CXCL13: variants seen among roughly 807,000 people sequenced by gnomAD.
CXCL13 encodes the protein C-X-C motif chemokine ligand 13.
A neutral mutation model predicts 12.2 loss-of-function variants in CXCL13; 7 were observed. The ratio of observed to expected loss-of-function variants is 0.57; its 90% CI spans 0.33 to 1.07. CXCL13 has a LOEUF of 1.07. Ranked by LOEUF, CXCL13 falls within the 50% of genes least tolerant of loss-of-function variation. CXCL13 has a pLI of 0.04. For synonymous variants in CXCL13, 47 were observed against 42.4 expected, an observed-to-expected ratio of 1.11 and a Z score of -0.42; for missense variants, 113 against 127.4, an observed-to-expected ratio of 0.89 and a Z score of 0.55.
chr4:77,587,179 T>C (rs980921665), intron 1 of CXCL13, among the ~76,000 whole-genome samples: 1 of 152,196 alleles, frequency 6.6e-6, no homozygotes. Context: ...AAGTCTGATG[T>C]CTTACTTGCC....
At chr4:77,586,972 G>C (rs1245796783) in intron 1 of CXCL13, among the ~76,000 whole-genome samples, 3 of 152,170 alleles carry the variant, frequency 2.0e-5, no homozygotes, top group Non-Finnish European at 4.4e-5. Context: ...TTCTAGGGGG[G>C]ACTCCGTCCT....
At chr4:77,528,170 A>T (rs938786191) in intron 1 of CXCL13, among the ~76,000 whole-genome samples, 4 of 152,264 alleles carry the variant, frequency 2.6e-5, no homozygotes, top group African/African-American at 9.6e-5. Flanking sequence ...TTCTTAATCC[A>T]GTCTATCATT....
At chr4:77,583,682 A>G (rs1726389436) in intron 1 of CXCL13, among the ~76,000 whole-genome samples, 1 of 152,124 alleles carries the variant, frequency 6.6e-6, no homozygotes, top group Non-Finnish European at 1.5e-5. Context: ...CACTTCACCA[A>G]TGAAACAGCA....
chr4:77,550,820 A>C (rs975825889), intron 1 of CXCL13, among the ~76,000 whole-genome samples: 2 of 152,206 alleles, frequency 1.3e-5, no homozygotes, highest in Admixed American at 1.3e-4. Flanking sequence ...GTATATATTT[A>C]GGATAGTTAA....
At chr4:77,547,712 T>A (rs528028335) in intron 1 of CXCL13, among the ~76,000 whole-genome samples, 2 of 152,290 alleles carry the variant, frequency 1.3e-5, no homozygotes, top group South Asian at 4.1e-4. Context: ...GTGTTTAAAT[T>A]GGGCATTTAG....
At chr4:77,539,344 C>A (rs1725146515) in intron 1 of CXCL13, among the ~76,000 whole-genome samples, 1 of 152,160 alleles carries the variant, frequency 6.6e-6, no homozygotes, top group Non-Finnish European at 1.5e-5. Context: ...CCAGGCTGGT[C>A]TCAAACTCCT....
chr4:77,543,526 T>A (rs1725257859), intron 1 of CXCL13, among the ~76,000 whole-genome samples: 2 of 152,148 alleles, frequency 1.3e-5, no homozygotes, highest in Non-Finnish European at 2.9e-5. Flanking sequence ...TTGCTTTTGC[T>A]GTATCCCAGA....
At chr4:77,602,899 C>T (rs1726910513), upstream of CXCL13, among the ~76,000 whole-genome samples, 1 of 152,196 alleles carries the variant, frequency 6.6e-6, no homozygotes, top group Non-Finnish European at 1.5e-5. Flanking sequence ...CTAGAATCAT[C>T]TGGCTATCAG....
At chr4:77,529,846 C>G (rs1297440656) in intron 1 of CXCL13, among the ~76,000 whole-genome samples, 3 of 152,136 alleles carry the variant, frequency 2.0e-5, no homozygotes, top group Admixed American at 6.6e-5. Context: ...GCATCCCTGT[C>G]TTGTGCCAGT....
chr4:77,545,872 T>C (rs1224994275), intron 1 of CXCL13, among the ~76,000 whole-genome samples: 2 of 152,244 alleles, frequency 1.3e-5, no homozygotes, highest in Admixed American at 6.5e-5. Flanking sequence ...CAGTATGATA[T>C]TGGCTGTGCA....
chr4:77,604,477 A>G (rs527435560), upstream of CXCL13, among the ~76,000 whole-genome samples: 88 of 152,140 alleles, frequency 5.8e-4, no homozygotes, highest in African/African-American at 2.1e-3. Context: ...CATATAGAAG[A>G]CTGTTTAGAA....
chr4:77,556,994 G>A (rs577341003), intron 1 of CXCL13, among the ~76,000 whole-genome samples: 1 of 152,208 alleles, frequency 6.6e-6, no homozygotes, highest in South Asian at 2.1e-4. Flanking sequence ...TCCAGCCTGG[G>A]CTGCAGAGTG....
intron 1 of CXCL13, among the ~76,000 whole-genome samples, chr4:77,545,955 G>A (rs184809617): frequency 1.6e-4 from 24 of 152,270 alleles, no homozygotes; most frequent in African/African-American, 4.3e-4. Flanking sequence ...TTTTTAGAGC[G>A]AAGGGCTGTT....
At chr4:77,562,144 C>A (rs1454349618) in intron 1 of CXCL13, among the ~76,000 whole-genome samples, 3 of 151,354 alleles carry the variant, frequency 2.0e-5, no homozygotes, top group South Asian at 2.1e-4. Context: ...CCGGCACAAG[C>A]CTTCCCACCC....
chr4:77,524,373 G>T (rs1455263290), intron 1 of CXCL13, among the ~76,000 whole-genome samples: 2 of 152,206 alleles, frequency 1.3e-5, no homozygotes, highest in Non-Finnish European at 2.9e-5. Flanking sequence ...TTGCTGAGCT[G>T]TGGTGGGCTC....
At position 77,528,762 on chromosome 4, in the gene CXCL13, T is replaced by C. The variant is rs191785729; in HGVS notation, c.-43+16974T>C. Among the ~76,000 whole-genome samples the C allele has an allele frequency of 1.6e-3, 246 of 152,366 alleles. 1 individual carries two copies. The highest frequency in any genetic ancestry group is 5.2e-3 in the African/African-American group (216 of 41,594). On this transcript the variant is annotated intron_variant, in intron 1 of 4. Coordinates refer to the CXCL13 transcript ENST00000286758. ...ACTCTAATGGTAGTTTCCTTTGCTG[T>C]GCAGAAGCTCTTCAGTTTAATTAGA...
chr4:77,559,531 A>G (rs571626284), intron 1 of CXCL13, among the ~76,000 whole-genome samples: 1 of 152,256 alleles, frequency 6.6e-6, no homozygotes, highest in African/African-American at 2.4e-5. Context: ...GTTTGAACAC[A>G]TTACAGCTAT....
At chr4:77,514,773 G>T (rs1205494404) in intron 1 of CXCL13, among the ~76,000 whole-genome samples, 1 of 152,098 alleles carries the variant, frequency 6.6e-6, no homozygotes, top group Non-Finnish European at 1.5e-5. Context: ...TCACTCTGAT[G>T]GTAGTTTCTT....
rs556143273 is a variant in CXCL13, at chr4:77,529,441, C to G, written c.-43+17653C>G. Among the ~76,000 whole-genome samples the G allele has an allele frequency of 6.6e-5, 10 of 152,234 alleles. No homozygotes were observed. In the South Asian group the frequency reaches 2.1e-3, roughly 32 times the overall value. On this transcript the variant is annotated intron_variant, in intron 1 of 4. Transcript: ENST00000286758. ...GAATATTCTTCCATTTGTTTGTATC[C>G]TCTTTTATTTCCTTGAGCAGTGGTT...
Sources: gnomAD v4.1 joint callset for allele counts (sites outside exome capture counted in the v4.1 genomes callset) on GRCh38, gnomAD v4.1.1 for gene constraint, MANE v1.5 for transcripts, NCBI Gene and HGNC (gene_info 2026-07-23, HGNC 2026-07-21) for gene names.